Variants in RMND1 observed in about 807,000 individuals in gnomAD.
RMND1 encodes the protein required for meiotic nuclear division protein 1 homolog.
A neutral mutation model predicts 54.0 loss-of-function variants in RMND1; 41 were observed. The observed-to-expected ratio is 0.76, with a 90% confidence interval of 0.59 to 0.98. The LOEUF is 0.98. Ranked by LOEUF, RMND1 falls within the 50% of genes least tolerant of loss-of-function variation. The probability of loss-of-function intolerance (pLI) is 0.00; values close to 1 mark genes in which losing one functional copy is unlikely to be tolerated. For missense variants in RMND1, 457 were observed against 532.0 expected, an observed-to-expected ratio of 0.86 and a Z score of 1.39; for synonymous variants, 183 against 181.7, an observed-to-expected ratio of 1.01 and a Z score of -0.06.
At chr6:151,424,951 CT>C (rs1049763308) in intron 6 of RMND1, among the ~76,000 whole-genome samples, 2 of 151,294 alleles carry the variant, frequency 1.3e-5, no homozygotes, top group South Asian at 2.1e-4. Context: ...CACAAGAGGT[CT>C]TTTTTTTTGA....
rs761280492 is a variant in RMND1 at position 151,445,737 on chromosome 6, G to C, written c.75C>G (p.Ile25Met). The C allele has an allele frequency of 1.2e-6, 2 of 1,613,904 alleles. No homozygotes were observed. The highest frequency in any genetic ancestry group is 1.7e-6 in the Non-Finnish European group (2 of 1,179,988). ...ILSKAHQCRR[I>M]GHLMLKPLKE... ...TAAGTGGTTTTAACATTAGATGACCGATTCTTCGGCACTGATGTGCTTTTG... is the reference window on the plus strand; with the variant it reads ...TAAGTGGTTTTAACATTAGATGACCCATTCTTCGGCACTGATGTGCTTTTG... Residue 25 changes from isoleucine to methionine, a missense_variant, in exon 2 of 12, where the codon ATC becomes ATG. Ile to Met is a conservative substitution (Grantham distance 10, BLOSUM62 1). Coordinates refer to ENST00000444024, the MANE Select transcript of RMND1 (RefSeq NM_017909.4).
intron 5 of RMND1, among the ~76,000 whole-genome samples, chr6:151,428,804 G>A (rs948294566): frequency 2.6e-5 from 4 of 152,070 alleles, no homozygotes; most frequent in African/African-American, 9.7e-5. Flanking sequence ...AAAGTGATAC[G>A]ATTACAGGTA....
At chr6:151,445,067 C>A (rs1780912657) in intron 2 of RMND1, 2 of 413,098 alleles carry the variant, frequency 4.8e-6, no homozygotes, top group Admixed American at 7.9e-5. Context: ...ATAACCAAAT[C>A]TTTTATAAAC....
At chr6:151,443,575 G>A (rs746354989) in intron 2 of RMND1, among the ~76,000 whole-genome samples, 5 of 152,150 alleles carry the variant, frequency 3.3e-5, no homozygotes, top group Non-Finnish European at 5.9e-5. Flanking sequence ...CTCCCAAAGT[G>A]TTGGGATTAC....
intron 1 of RMND1, among the ~76,000 whole-genome samples, chr6:151,449,793 C>T (rs894418881): frequency 2.0e-4 from 31 of 152,266 alleles, no homozygotes; most frequent in Admixed American, 1.7e-3. Context: ...CGATTACAGG[C>T]GCATGCCGCC....
At position 151,423,536 on chromosome 6, in the gene RMND1, A is replaced by G. The variant is rs777639435; in HGVS notation, c.926T>C (p.Leu309Pro). 6.2e-7 allele frequency: 1 copy of G among 1,607,332 alleles called. No individual in the cohort carries two copies. The highest frequency in any genetic ancestry group is 8.5e-7 in the Non-Finnish European group (1 of 1,173,846). Residue 309 changes from leucine (L) to proline (P), a missense_variant, in exon 7 of 12, where the codon CTA (leucine) becomes CCA (proline). Coordinates refer to ENST00000444024, the MANE Select transcript of RMND1 (RefSeq NM_017909.4). ...CAGTAGTAACTTACCAGAAAGGCAT[A>G]GAGCATTGGAGAAAGCAAACTTCTC... ...ILEKFAFSNA[L>P]CLSVKLAIWE...
intron 5 of RMND1, 47 bp downstream of exon 5, chr6:151,430,091 C>A (rs1215934286): frequency 1.6e-6 from 2 of 1,259,270 alleles, no homozygotes; most frequent in South Asian, 1.2e-5. Context: ...ACAATTCATT[C>A]TCACAAAACT....
intron 7 of RMND1, among the ~76,000 whole-genome samples, chr6:151,423,312 T>G (rs1780206216): frequency 6.6e-6 from 1 of 152,174 alleles, no homozygotes; most frequent in Non-Finnish European, 1.5e-5. Flanking sequence ...TTGGAGAGGT[T>G]AAGCTTTATT....
Position 151,445,690 on chromosome 6 carries a change from C to T in RMND1, c.122G>A (p.Cys41Tyr), listed in dbSNP as rs1780934919. The change falls in exon 2 of 12, where the codon TGC (cysteine) becomes TAC (tyrosine). Residue 41 changes from cysteine to tyrosine, a missense_variant. Coordinates refer to ENST00000444024, the MANE Select transcript of RMND1 (RefSeq NM_017909.4). ...GCTTTGACGTATTGTCAGTGTGCTG[C>T]ATGTTGTATTTTCAAATTCCTTAAG... ...KPLKEFENTT[C>Y]STLTIRQSLD... 1.2e-6 allele frequency: 2 copies of T among 1,614,134 alleles called. No individual in the cohort carries two copies. Among genetic ancestry groups the T allele is most frequent in the Non-Finnish European group, 1.7e-6 (2 of 1,180,026 alleles).
At chr6:151,436,150 C>A (rs911134586) in intron 3 of RMND1, 2 of 236,612 alleles carry the variant, frequency 8.5e-6, no homozygotes, top group Non-Finnish European at 1.7e-5. Flanking sequence ...CAGACACACA[C>A]AAACTAAAAT....
At chr6:151,410,046 C>G (rs1263735644) in intron 10 of RMND1, among the ~76,000 whole-genome samples, 1 of 147,574 alleles carries the variant, frequency 6.8e-6, no homozygotes, top group Non-Finnish European at 1.5e-5. Flanking sequence ...AACCCCGCTA[C>G]TCTTTGTTCC....
At chr6:151,406,317 TAA>T (rs1405040759) in intron 10 of RMND1, among the ~76,000 whole-genome samples, 1 of 152,054 alleles carries the variant, frequency 6.6e-6, no homozygotes, top group South Asian at 2.1e-4. Flanking sequence ...TCAAAGAAAA[TAA>T]AGTCCCTGAA....
intron 10 of RMND1, among the ~76,000 whole-genome samples, chr6:151,408,195 A>C (rs1452119200): frequency 6.6e-6 from 1 of 152,086 alleles, no homozygotes; most frequent in Non-Finnish European, 1.5e-5. Context: ...CTTGGAAGTG[A>C]GGTTAAGAAG....
intron 1 of RMND1, among the ~76,000 whole-genome samples, chr6:151,448,928 T>C (rs1436639747): frequency 6.7e-6 from 1 of 148,788 alleles, no homozygotes; most frequent in Non-Finnish European, 1.5e-5. Flanking sequence ...AATACAAAAA[T>C]CAGCCGGGCA....
chr6:151,409,386 T>A (rs1314781495), intron 10 of RMND1, among the ~76,000 whole-genome samples: 1 of 152,224 alleles, frequency 6.6e-6, no homozygotes, highest in Non-Finnish European at 1.5e-5. Context: ...CCCAGATGAC[T>A]TTTAAGTTTC....
chr6:151,405,071 G>GT lies in RMND1; in HGVS notation c.*163dup, dbSNP rs1196283876. The stretch of plus-strand genomic sequence containing the variant: ...TTTAGTAGAGATGGGGTTTCACCAT[G>GT]TTGGCCAGGCTTGTCTTGAGCTCCT... On this transcript the variant is annotated 3_prime_UTR_variant, in exon 12 of 12. Coordinates refer to ENST00000444024, the MANE Select transcript of RMND1 (RefSeq NM_017909.4). 7 of 574,350 alleles carry GT rather than the reference G, an allele frequency of 1.2e-5. No homozygotes were observed. The African/African-American group carries it at 1.4e-4, about 11-fold the overall frequency. The allele number at this position is 574,350 out of a possible 1,614,324, so 35.6% of individuals were successfully genotyped here.
intron 2 of RMND1, among the ~76,000 whole-genome samples, chr6:151,438,512 T>A (rs1780679445): frequency 6.6e-6 from 1 of 152,232 alleles, no homozygotes; most frequent in Admixed American, 6.5e-5. Flanking sequence ...ATCGGAGTTG[T>A]AAACTGGCAG....
At chr6:151,430,014 A>C in intron 5 of RMND1, 124 bp downstream of exon 5, 1 of 643,378 alleles carries the variant, frequency 1.6e-6, no homozygotes. Flanking sequence ...GTATCATGTA[A>C]TGCAGAGCAA....
At chr6:151,410,214 C>G (rs1026953134) in intron 10 of RMND1, among the ~76,000 whole-genome samples, 1 of 152,028 alleles carries the variant, frequency 6.6e-6, no homozygotes, top group Non-Finnish European at 1.5e-5. Flanking sequence ...GCCACCACGC[C>G]CAGCTAATTT....
Sources: gnomAD v4.1 joint callset for allele counts (sites outside exome capture counted in the v4.1 genomes callset) on GRCh38, gnomAD v4.1.1 for gene constraint, MANE v1.5 for transcripts, NCBI Gene and HGNC (gene_info 2026-07-23, HGNC 2026-07-21) for gene names.